The following TDRD12 variants were observed in gnomAD, a reference collection of about 807,000 sequenced individuals.
TDRD12 encodes tudor domain containing 12.
Under a neutral mutation model 133.5 loss-of-function variants are expected in TDRD12, and 158 were observed. That is an observed-to-expected ratio of 1.18 (90% confidence interval 1.04 to 1.35). TDRD12 has a LOEUF of 1.35. Ranked by LOEUF, TDRD12 falls within the 40% of genes most tolerant of loss-of-function variation. TDRD12 has a pLI of 0.00. For missense variants in TDRD12, 1,443 were observed against 1,321.3 expected (o/e 1.09, Z -1.43); for synonymous variants, 460 against 477.9 (o/e 0.96, Z 0.49).
At chr19:32,773,694 A>T (rs572593018) in intron 10 of TDRD12, among the ~76,000 whole-genome samples, 162 bp downstream of exon 10, 1 of 152,112 alleles carries the variant, frequency 6.6e-6, no homozygotes, top group African/African-American at 2.4e-5. Context: ...TGAGACTCTT[A>T]TCTCTAAAAT....
chr19:32,793,440 A>G (rs1971127843), intron 13 of TDRD12, among the ~76,000 whole-genome samples: 1 of 152,192 alleles, frequency 6.6e-6, no homozygotes, highest in Non-Finnish European at 1.5e-5. Flanking sequence ...GGATGATACC[A>G]GGATAGTTGC....
chr19:32,797,747 A>G, exon 15 of TDRD12: 1 of 691,836 alleles, frequency 1.4e-6, no homozygotes, highest in Middle Eastern at 2.3e-4. Flanking sequence ...TCTCGCAGTC[A>G]TCGTGTGCCC....
At chr19:32,742,725 G>C in intron 3 of TDRD12, 56 bp from the exon 4 acceptor site, 1 of 1,487,494 alleles carries the variant, frequency 6.7e-7, no homozygotes, top group Non-Finnish European at 9.1e-7. Context: ...TACTTTAACG[G>C]AGTATGTTAT....
At chr19:32,752,548 C>T (rs961894910) in intron 6 of TDRD12, among the ~76,000 whole-genome samples, 3 of 152,008 alleles carry the variant, frequency 2.0e-5, no homozygotes, top group East Asian at 3.9e-4. Flanking sequence ...ATTAATTATT[C>T]GATAATTTGT....
chr19:32,802,788 A>G (rs1204603231), exon 20 of TDRD12: 13 of 1,536,544 alleles, frequency 8.5e-6, no homozygotes, highest in Non-Finnish European at 1.0e-5. Flanking sequence ...CACGCTGAAC[A>G]GGTTTGGTGA....
intron 11 of TDRD12, among the ~76,000 whole-genome samples, chr19:32,788,741 G>A (rs1345140610): frequency 6.6e-6 from 1 of 152,188 alleles, no homozygotes; most frequent in East Asian, 1.9e-4. Context: ...TAGAGGCCCA[G>A]TGAGCCGGTG....
In TDRD12 at chr19:32,750,540, C is replaced by A. The variant is rs186855417; in HGVS notation, c.582+671C>A. 8.2e-4 allele frequency among the ~76,000 whole-genome samples: 125 copies of A among 152,310 alleles called. 1 individual carries two copies. Among genetic ancestry groups the A allele is most frequent in the African/African-American group, 2.9e-3 (121 of 41,568 alleles). ...GTCCTGATGTTAACATAGCACAAAA[C>A]CACAGTACAGTTTTTAAAACCAGAA... On this transcript the variant is annotated intron_variant, in intron 6 of 27. Coordinates refer to ENST00000444215, the Ensembl canonical transcript of TDRD12.
intron 6 of TDRD12, among the ~76,000 whole-genome samples, chr19:32,754,827 G>A (rs932199616): frequency 1.3e-5 from 2 of 152,080 alleles, no homozygotes; most frequent in Non-Finnish European, 2.9e-5. Context: ...ATAGGCATGC[G>A]CCACCACGCC....
chr19:32,801,350 T>C (rs904184179), intron 18 of TDRD12, among the ~76,000 whole-genome samples: 2 of 152,204 alleles, frequency 1.3e-5, no homozygotes, highest in Non-Finnish European at 2.9e-5. Flanking sequence ...TGAAGCCAAC[T>C]ACCAAATAAA....
chr19:32,739,353 T>TAC (rs1969323582), intron 3 of TDRD12, among the ~76,000 whole-genome samples: 2 of 143,346 alleles, frequency 1.4e-5, no homozygotes, highest in African/African-American at 5.3e-5. Context: ...ATCTCCTGGG[T>TAC]TCTCTATCAC....
At position 32,826,617 on chromosome 19, in the gene TDRD12, A is replaced by G; in HGVS notation, c.1049+19A>G. 1 of 1,236,316 alleles carries G rather than the reference A, an allele frequency of 8.1e-7. No homozygotes were observed. The highest frequency in any genetic ancestry group is 1.0e-6 in the Non-Finnish European group (1 of 990,518). 76.6% of individuals were successfully genotyped at this position (1,236,316 alleles called of 1,614,324 possible). ...ACAGAGGGTGAGTTGGGATGCACTC[A>G]GCGGGTGGTCTTTACCCTGCGTGTG... On this transcript the variant is annotated intron_variant, in intron 9 of 9. Transcript: ENST00000637289.
chr19:32,767,725 G>C (rs529891248), intron 8 of TDRD12, among the ~76,000 whole-genome samples: 1 of 152,268 alleles, frequency 6.6e-6, no homozygotes, highest in South Asian at 2.1e-4. Flanking sequence ...GTTGCACATG[G>C]TGCTTTCTCT....
intron 17 of TDRD12, 130 bp downstream of exon 17, chr19:32,800,488 T>G: frequency 1.0e-6 from 1 of 965,396 alleles, no homozygotes; most frequent in Non-Finnish European, 1.5e-6. Flanking sequence ...TGATTTCATA[T>G]ATAAATTATG....
At chr19:32,760,316 T>C (rs1599868496) in intron 8 of TDRD12, among the ~76,000 whole-genome samples, 1 of 152,334 alleles carries the variant, frequency 6.6e-6, no homozygotes, top group East Asian at 1.9e-4. Context: ...GCAGAATTAT[T>C]AGATGTTACT....
At chr19:32,753,044 GGCCTCCCAAAGT>G (rs1179335202) in intron 6 of TDRD12, among the ~76,000 whole-genome samples, 11 of 151,710 alleles carry the variant, frequency 7.3e-5, no homozygotes, top group Admixed American at 4.6e-4. Flanking sequence ...CTCCCACCTT[GGCCTCCCAAAGT>G]GCTGGGATTA....
rs1469057207 is a variant in TDRD12, at chr19:32,720,204, C to T, written c.24+108C>T. The T allele has an allele frequency of 6.3e-6, 8 of 1,272,714 alleles. No homozygotes were observed. In the Admixed American group the frequency reaches 1.1e-4, roughly 17 times the overall value. The allele number at this position is 1,272,714 out of a possible 1,614,324, so 78.8% of individuals were successfully genotyped here. On this transcript the variant is annotated intron_variant, in intron 1 of 27. Coordinates refer to ENST00000444215, the Ensembl canonical transcript of TDRD12. ...CCCCAGCTCCGCACAGCTTCCTACA[C>T]CCACCGCAGCCCCGCACAGCCTCCC...
intron 21 of TDRD12, among the ~76,000 whole-genome samples, chr19:32,806,429 G>GC (rs1157532629): frequency 7.0e-6 from 1 of 142,444 alleles, no homozygotes; most frequent in Non-Finnish European, 1.5e-5. Context: ...TGAAACCTCC[G>GC]CCTCCCGTGT....
At chr19:32,724,072 T>C (rs1432779606) in intron 1 of TDRD12, among the ~76,000 whole-genome samples, 1 of 152,136 alleles carries the variant, frequency 6.6e-6, no homozygotes, top group African/African-American at 2.4e-5. Context: ...TTGCCCAGGC[T>C]GGTTTCTCAA....
intron 10 of TDRD12, among the ~76,000 whole-genome samples, chr19:32,774,022 G>C (rs1311347237): frequency 6.6e-6 from 1 of 152,188 alleles, no homozygotes; most frequent in Admixed American, 6.5e-5. Context: ...GGCAGCACAG[G>C]GTGGGTGGTT....
Sources: allele counts gnomAD v4.1 joint callset (sites outside exome capture counted in the v4.1 genomes callset), GRCh38; gene constraint gnomAD v4.1.1; transcripts MANE v1.5; gene names NCBI Gene and HGNC (gene_info 2026-07-23, HGNC 2026-07-21).